The following CASP10 variants were observed in gnomAD, a reference collection of about 807,000 sequenced individuals.
The protein encoded by CASP10 is caspase-10.
CASP10 carries 41 observed loss-of-function variants against 48.5 expected under a neutral mutation model. That is an observed-to-expected ratio of 0.85 (90% CI 0.66 to 1.10). The LOEUF (loss-of-function observed/expected upper bound fraction) is 1.10. Ranked by LOEUF, CASP10 falls within the 50% of genes least tolerant of loss-of-function variation. The probability of loss-of-function intolerance (pLI) is 0.00; values close to 1 mark genes in which losing one functional copy is unlikely to be tolerated. For synonymous variants in CASP10, 232 were observed against 238.4 expected (o/e 0.97, Z 0.25); for missense variants, 614 against 614.5 (o/e 1.00, Z 0.01).
At position 201,187,814 on chromosome 2, in the gene CASP10, C is replaced by G. The variant is rs769791911; in HGVS notation, c.441+15C>G. ...AAACTGAAATGGTGAGTGGGTCATA[C>G]AGAATGGGTCTGTGTGAGCACTGTC... On this transcript the variant is annotated intron_variant, in intron 3 of 9. Transcript: ENST00000286186. 2 of 1,563,958 alleles carry G rather than the reference C, an allele frequency of 1.3e-6. No homozygotes were observed.
intron 3 of CASP10, among the ~76,000 whole-genome samples, chr2:201,191,415 T>C (rs2126014608): frequency 6.6e-6 from 1 of 152,172 alleles, no homozygotes; most frequent in Non-Finnish European, 1.5e-5. Context: ...TGGGGAGATC[T>C]CATTTTTTGT....
chr2:201,215,896 C>T (rs1945554679), intron 9 of CASP10, among the ~76,000 whole-genome samples: 1 of 152,024 alleles, frequency 6.6e-6, no homozygotes, highest in Non-Finnish European at 1.5e-5. Context: ...ATCCTCCCAC[C>T]TCAGACTCCT....
At chr2:201,200,559 C>G in intron 5 of CASP10, 29 of 1,593,566 alleles carry the variant, frequency 1.8e-5, no homozygotes, top group Non-Finnish European at 2.5e-5. Flanking sequence ...TGCAGGCAAT[C>G]AGGACATGAC....
chr2:201,200,388 T>A, intron 5 of CASP10: 2 of 1,512,502 alleles, frequency 1.3e-6, no homozygotes, highest in South Asian at 2.2e-5. Flanking sequence ...CTCTCCACAT[T>A]CGTAAGTTGG....
At chr2:201,206,164 G>C (rs1945198997) in intron 7 of CASP10, 191 bp downstream of exon 7, 9 of 511,636 alleles carry the variant, frequency 1.8e-5, no homozygotes, top group South Asian at 1.7e-4. Context: ...ACCTTTTTCT[G>C]TATCAATCAG....
At chr2:201,209,041 CTTTTTT>C in intron 8 of CASP10, 23 bp from the exon 9 acceptor site, 2 of 1,322,556 alleles carry the variant, frequency 1.5e-6, no homozygotes, top group Non-Finnish European at 2.0e-6. Flanking sequence ...CTCTCTCTCT[CTTTTTT>C]TTTTTTTTTT....
At chr2:201,223,456 G>T (rs1163790296), downstream of CASP10, among the ~76,000 whole-genome samples, 1 of 152,194 alleles carries the variant, frequency 6.6e-6, no homozygotes, top group African/African-American at 2.4e-5. Context: ...ATTTCTGGAG[G>T]ATTTGCAATT....
chr2:201,225,698 G>A (rs1421147976), downstream of CASP10, among the ~76,000 whole-genome samples: 1 of 152,228 alleles, frequency 6.6e-6, no homozygotes, highest in African/African-American at 2.4e-5. Context: ...AGGCCGGGGT[G>A]TGGTGGCTCG....
intron 9 of CASP10, chr2:201,214,647 GTTAT>G (rs1945511279): frequency 6.6e-6 from 1 of 152,132 alleles, no homozygotes; most frequent in African/African-American, 2.4e-5. Flanking sequence ...TGTAGGAATA[GTTAT>G]TTTTAGCATT....
chr2:201,211,898 C>T (rs1945406775), intron 9 of CASP10, among the ~76,000 whole-genome samples: 2 of 152,092 alleles, frequency 1.3e-5, no homozygotes, highest in Non-Finnish European at 2.9e-5. Flanking sequence ...TTTGTTTCCT[C>T]GATAATAGCC....
chr2:201,204,127 G>T (rs1392366942), intron 6 of CASP10, among the ~76,000 whole-genome samples: 1 of 152,196 alleles, frequency 6.6e-6, no homozygotes, highest in Non-Finnish European at 1.5e-5. Flanking sequence ...GTGCAGTCTG[G>T]GTGCGTGTCC....
At chr2:201,191,233 G>A (rs1944601014) in intron 3 of CASP10, among the ~76,000 whole-genome samples, 1 of 152,076 alleles carries the variant, frequency 6.6e-6, no homozygotes, top group Non-Finnish European at 1.5e-5. Context: ...ATGATCAAAT[G>A]CACATGTTCA....
chr2:201,227,132 G>C (rs1342053522), intron 9 of CASP10, among the ~76,000 whole-genome samples: 1 of 152,124 alleles, frequency 6.6e-6, no homozygotes, highest in Non-Finnish European at 1.5e-5. Flanking sequence ...GGCTTCAAAT[G>C]CATCAGTCAT....
chr2:201,199,831 C>T (rs1348509491), intron 5 of CASP10, among the ~76,000 whole-genome samples: 1 of 152,154 alleles, frequency 6.6e-6, no homozygotes, highest in African/African-American at 2.4e-5. Context: ...GCCCCAGCCT[C>T]CCAAAGTGCT....
At chr2:201,229,250 G>A (rs951552989) in exon 10 of CASP10, 4 of 710,172 alleles carry the variant, frequency 5.6e-6, no homozygotes, top group African/African-American at 1.8e-5. Context: ...ACTGTTTCAC[G>A]TGTACCTGTG....
intron 9 of CASP10, among the ~76,000 whole-genome samples, chr2:201,227,112 G>A (rs1413599101): frequency 4.6e-5 from 7 of 152,048 alleles, no homozygotes; most frequent in Non-Finnish European, 8.8e-5. Context: ...CAATGGGGAG[G>A]AATTACAGGG....
chr2:201,195,047 G>C (rs867938393), intron 4 of CASP10, among the ~76,000 whole-genome samples: 1 of 151,516 alleles, frequency 6.6e-6, no homozygotes, highest in Admixed American at 6.6e-5. Context: ...AAAGTGCTGG[G>C]ATTACAGGTG....
At chr2:201,229,040 A>T in exon 10 of CASP10, 2 of 1,614,208 alleles carry the variant, frequency 1.2e-6, no homozygotes, top group African/African-American at 2.7e-5. Flanking sequence ...ATCTCTGCGC[A>T]GACACCTCGA....
At chr2:201,193,224 G>A in intron 4 of CASP10, 105 bp downstream of exon 4, 1 of 1,249,580 alleles carries the variant, frequency 8.0e-7, no homozygotes, top group Non-Finnish European at 1.1e-6. Flanking sequence ...TTTGTTTTGA[G>A]GCAGAGTCTC....
Sources: allele counts gnomAD v4.1 joint callset (sites outside exome capture counted in the v4.1 genomes callset), GRCh38; gene constraint gnomAD v4.1.1; transcripts MANE v1.5; gene names NCBI Gene and HGNC (gene_info 2026-07-23, HGNC 2026-07-21).